The following PIK3IP1 variants were observed in gnomAD, a reference collection of about 807,000 sequenced individuals.
PIK3IP1 encodes phosphoinositide-3-kinase interacting protein 1, also known as phosphoinositide-3-kinase-interacting protein 1.
Under a neutral mutation model 30.7 loss-of-function variants are expected in PIK3IP1, and 28 were observed. The ratio of observed to expected loss-of-function variants is 0.91; its 90% confidence interval spans 0.68 to 1.25. The LOEUF (loss-of-function observed/expected upper bound fraction) is 1.25. PIK3IP1 is among the 50% of genes most tolerant of loss of function. The probability of loss-of-function intolerance (pLI) is 0.00; values close to 1 mark genes in which losing one functional copy is unlikely to be tolerated. For missense variants in PIK3IP1, 333 were observed against 346.2 expected (o/e 0.96, Z 0.30); for synonymous variants, 159 against 140.8 (o/e 1.13, Z -0.91).
At position 31,291,999 on chromosome 22, in the gene PIK3IP1, A is replaced by T. The variant is rs576716002; in HGVS notation, c.70+276T>A. 1.6e-4 allele frequency among the ~76,000 whole-genome samples: 24 copies of T among 152,316 alleles called. No homozygotes were observed. In the South Asian group the frequency reaches 4.8e-3, roughly 30 times the overall value. On this transcript the variant is annotated intron_variant, in intron 1 of 5. Coordinates refer to ENST00000215912, the MANE Select transcript of PIK3IP1 (RefSeq NM_052880.5). ...ACACCATGCAAAGGGCTTAGAAAGA[A>T]CAGGACTTGGGGAGTAGGGGAGATG...
Position 31,289,587 on chromosome 22 carries a change from C to T in PIK3IP1, c.420G>A (p.Arg140=). The T allele has an allele frequency of 6.4e-7, 1 of 1,560,908 alleles. No homozygotes were observed. Residue 140 remains arginine, a synonymous_variant, in exon 4 of 6, where the codon CGG becomes CGA. Coordinates refer to ENST00000215912, the MANE Select transcript of PIK3IP1 (RefSeq NM_052880.5). ...CTGGCTGCACAGCTGCCGCCTCACT[C>T]CGAGCGGGCAGGGCGTTGGCAGGAG... ...VFAPANALPA[R]SEAAAVQPVI...
intron 3 of PIK3IP1, chr22:31,290,357 C>G (rs2049164597): frequency 6.6e-6 from 1 of 152,214 alleles, no homozygotes; most frequent in African/African-American, 2.4e-5. Flanking sequence ...CCACTGCACT[C>G]CAGCCTGGGT....
intron 5 of PIK3IP1, among the ~76,000 whole-genome samples, chr22:31,284,058 C>T (rs1310759950): frequency 2.0e-5 from 3 of 152,168 alleles, no homozygotes; most frequent in African/African-American, 7.2e-5. Context: ...GCATGCGCCA[C>T]CACGCCCAGA....
chr22:31,283,930 G>T (rs889621527), intron 5 of PIK3IP1, among the ~76,000 whole-genome samples: 1 of 151,862 alleles, frequency 6.6e-6, no homozygotes, highest in African/African-American at 2.4e-5. Context: ...TGGAGATGGA[G>T]TTTCGTGCTT....
rs1422085991 is a variant in PIK3IP1 at position 31,282,824 on chromosome 22, T to C, written c.*260A>G. The C allele has an allele frequency of 2.2e-6, 1 of 448,614 alleles. No individual in the cohort carries two copies. The highest frequency in any genetic ancestry group is 4.1e-6 in the Non-Finnish European group (1 of 245,388). The allele number at this position is 448,614 out of a possible 1,614,324, so 27.8% of individuals were successfully genotyped here. A position where few individuals can be genotyped will look rare whatever the true frequency, so the allele number is the denominator to read the frequency against. ...TGTTTGGAAGCCCTTAGCAGCAGCA[T>C]CACTGTGGGAGCTGCCACTGTCTCC... On this transcript the variant is annotated 3_prime_UTR_variant, in exon 6 of 6. Transcript: ENST00000215912.
chr22:31,286,742 T>G (rs930517816), intron 5 of PIK3IP1, among the ~76,000 whole-genome samples: 1 of 152,216 alleles, frequency 6.6e-6, no homozygotes, highest in Non-Finnish European at 1.5e-5. Flanking sequence ...GACAGCCAAA[T>G]GCTGTTGGGT....
intron 5 of PIK3IP1, among the ~76,000 whole-genome samples, chr22:31,285,468 G>A (rs2049124097): frequency 6.6e-6 from 1 of 152,178 alleles, no homozygotes; most frequent in South Asian, 2.1e-4. Context: ...GCAGAGCTGG[G>A]ATTTGAACCC....
chr22:31,287,518 G>A (rs2049141266), intron 5 of PIK3IP1, among the ~76,000 whole-genome samples: 1 of 150,964 alleles, frequency 6.6e-6, no homozygotes, highest in Admixed American at 6.6e-5. Flanking sequence ...TTTTAGTAGA[G>A]ACAGGATTTC....
In PIK3IP1 at chr22:31,289,489, A is replaced by G; in HGVS notation, c.508+10T>C. On this transcript the variant is annotated intron_variant, in intron 4 of 5. Coordinates refer to ENST00000215912, the MANE Select transcript of PIK3IP1 (RefSeq NM_052880.5). The stretch of plus-strand genomic sequence containing the variant: ...ATCCCAACGAGGGCAGGGGTGGGGG[A>G]CCGTCATACCCAGAGTTCCCAGGTC... 1.3e-6 allele frequency: 2 copies of G among 1,536,230 alleles called. No individual in the cohort carries two copies. The highest frequency in any genetic ancestry group is 1.8e-6 in the Non-Finnish European group (2 of 1,140,216).
intron 5 of PIK3IP1, among the ~76,000 whole-genome samples, chr22:31,286,344 G>A (rs1322781476): frequency 6.6e-6 from 1 of 152,134 alleles, no homozygotes; most frequent in East Asian, 1.9e-4. Flanking sequence ...TAACAGACAA[G>A]ATACCAAGGC....
At chr22:31,287,083 C>T (rs900411719) in intron 5 of PIK3IP1, among the ~76,000 whole-genome samples, 2 of 141,716 alleles carry the variant, frequency 1.4e-5, no homozygotes, top group African/African-American at 2.6e-5. Context: ...TGCAGTGGCA[C>T]AATCATGGCT....
intron 1 of PIK3IP1, 24 bp downstream of exon 1, chr22:31,292,250 CG>C (rs748564290): frequency 1.4e-5 from 23 of 1,609,980 alleles, no homozygotes; most frequent in Non-Finnish European, 1.7e-5. Context: ...GAAGTTGCTG[CG>C]GAAAGGAAAG....
At chr22:31,288,135 G>T (rs1462988616) in intron 5 of PIK3IP1, among the ~76,000 whole-genome samples, 1 of 152,082 alleles carries the variant, frequency 6.6e-6, no homozygotes, top group Non-Finnish European at 1.5e-5. Flanking sequence ...TATACACTTT[G>T]GGAGGCTGAG....
chr22:31,292,070 A>G (rs1212761827), intron 1 of PIK3IP1, among the ~76,000 whole-genome samples: 1 of 152,230 alleles, frequency 6.6e-6, no homozygotes, highest in Non-Finnish European at 1.5e-5. Context: ...GGCAGAGAGA[A>G]AGTGGCTTCT....
intron 1 of PIK3IP1, 102 bp downstream of exon 1, chr22:31,292,173 A>G: frequency 1.7e-6 from 2 of 1,188,412 alleles, no homozygotes; most frequent in Non-Finnish European, 2.5e-6. Flanking sequence ...GAAACCGGCT[A>G]AACGCTTCGT....
chr22:31,290,974 G>A lies in PIK3IP1; in HGVS notation c.298C>T (p.Arg100Cys). 6.2e-7 allele frequency: 1 copy of A among 1,604,344 alleles called. No individual in the cohort carries two copies. The highest frequency in any genetic ancestry group is 8.5e-7 in the Non-Finnish European group (1 of 1,176,520). Residue 100 changes from arginine (R) to cysteine (C), a missense_variant, in exon 3 of 6, where the codon CGC (arginine) becomes TGC (cysteine). Physicochemically the swap from Arg to Cys is radical, Grantham distance 180. Coordinates refer to ENST00000215912, the MANE Select transcript of PIK3IP1 (RefSeq NM_052880.5). The stretch of plus-strand genomic sequence containing the variant: ...GGTCCCGGGCAGGTACCTGGACAGC[G>A]CAGGTCCTCGCAAGGCCGTTTCTCA... ...VPEKRPCEDLRCPETTSQALP... is the reference protein window; with the variant it reads ...VPEKRPCEDLCCPETTSQALP...
At position 31,290,981 on chromosome 22, in the gene PIK3IP1, C is replaced by T; in HGVS notation, c.291G>A (p.Glu97=). 1 of 1,605,134 alleles carries T rather than the reference C, an allele frequency of 6.2e-7. No individual in the cohort carries two copies. Among genetic ancestry groups the T allele is most frequent in the Non-Finnish European group, 8.5e-7 (1 of 1,176,808 alleles). The change falls in exon 3 of 6, where the codon GAG becomes GAA. Residue 97 remains glutamate, a synonymous_variant. Coordinates refer to ENST00000215912, the MANE Select transcript of PIK3IP1 (RefSeq NM_052880.5). The part of the protein sequence containing the change: ...EAGVPEKRPC[E]DLRCPETTSQ... ...GGCAGGTACCTGGACAGCGCAGGTC[C>T]TCGCAAGGCCGTTTCTCAGGGACGC...
Position 31,292,475 on chromosome 22 carries a change from C to T in PIK3IP1, c.-131G>A. The T allele has an allele frequency of 1.4e-6, 1 of 719,096 alleles. No individual in the cohort carries two copies. Among genetic ancestry groups the T allele is most frequent in the East Asian group, 2.6e-5 (1 of 39,006 alleles). 44.5% of individuals were successfully genotyped at this position (719,096 alleles called of 1,614,324 possible). A position where few individuals can be genotyped will look rare whatever the true frequency, so the allele number is the denominator to read the frequency against. ...TTGTTATGCTGTTCTGGTAAACAGCCTCTCTTTAGAACTGGGAGCTTCCCA... is the reference window on the plus strand; with the variant it reads ...TTGTTATGCTGTTCTGGTAAACAGCTTCTCTTTAGAACTGGGAGCTTCCCA... On this transcript the variant is annotated 5_prime_UTR_variant, in exon 1 of 6. Coordinates refer to ENST00000215912, the MANE Select transcript of PIK3IP1 (RefSeq NM_052880.5).
At chr22:31,289,287 A>C in intron 5 of PIK3IP1, 28 bp downstream of exon 5, 1 of 1,609,832 alleles carries the variant, frequency 6.2e-7, no homozygotes, top group South Asian at 1.1e-5. Context: ...CCCTCCTCCT[A>C]AGAGGGCCCA....
Sources: gnomAD v4.1 joint callset for allele counts (sites outside exome capture counted in the v4.1 genomes callset) on GRCh38, gnomAD v4.1.1 for gene constraint, MANE v1.5 for transcripts, NCBI Gene and HGNC (gene_info 2026-07-23, HGNC 2026-07-21) for gene names.